MAP2K6: variants seen among roughly 807,000 people sequenced by gnomAD.
MAP2K6 encodes mitogen-activated protein kinase kinase 6, also known as dual specificity mitogen-activated protein kinase kinase 6.
In MAP2K6, 16 loss-of-function variants were observed where a neutral mutation model predicts 53.7. That is an observed-to-expected ratio of 0.30 (90% CI 0.20 to 0.45). The LOEUF (loss-of-function observed/expected upper bound fraction) is 0.45, where lower values mean the gene tolerates loss of function less well. Ranked by LOEUF, MAP2K6 falls within the 20% of genes least tolerant of loss-of-function variation. MAP2K6 has a pLI of 1.00. For missense variants in MAP2K6, 204 were observed against 411.9 expected (o/e 0.50, Z 4.37); for synonymous variants, 132 against 143.1 (o/e 0.92, Z 0.55).
chr17:69,414,913 C>A lies in MAP2K6; in HGVS notation c.-72C>A. On this transcript the variant is annotated 5_prime_UTR_variant, in exon 1 of 12. Transcript: ENST00000590474. Reference sequence around the variant, plus strand: ...ACGCCTGCAGCTTGCATCTTTGTTGCAAAACTAGCTACAGAAGAGAAGCAA... The same window carrying A: ...ACGCCTGCAGCTTGCATCTTTGTTGAAAAACTAGCTACAGAAGAGAAGCAA... The A allele has an allele frequency of 7.0e-7, 1 of 1,431,826 alleles. No individual in the cohort carries two copies. Among genetic ancestry groups the A allele is most frequent in the Non-Finnish European group, 9.8e-7 (1 of 1,021,896 alleles). 88.7% of individuals were successfully genotyped at this position (1,431,826 alleles called of 1,614,324 possible). A position where few individuals can be genotyped will look rare whatever the true frequency, so the allele number is the denominator to read the frequency against.
At position 69,544,382 on chromosome 17, in the gene MAP2K6, A is replaced by T. The variant is rs1911792305; in HGVS notation, c.*2629A>T. 1 of 152,216 alleles carries T rather than the reference A, an allele frequency of 6.6e-6. No homozygotes were observed. Among genetic ancestry groups the T allele is most frequent in the African/African-American group, 2.4e-5 (1 of 41,442 alleles). The allele number at this position is 152,216 out of a possible 1,614,324, so 9.4% of individuals were successfully genotyped here. On this transcript the variant is annotated 3_prime_UTR_variant, in exon 12 of 12. Transcript: ENST00000590474. ...TTAGAGCATGGTTTTGTTTTTGGAA[A>T]ACTGTGTTGTAAGTGCCAATCAACC... is the stretch of plus-strand genomic sequence containing the variant.
At chr17:69,510,525 A>G (rs1265406917) in intron 2 of MAP2K6, among the ~76,000 whole-genome samples, 1 of 152,198 alleles carries the variant, frequency 6.6e-6, no homozygotes, top group Admixed American at 6.5e-5. Context: ...GACATTGTAT[A>G]ATATTGGTGC....
intron 2 of MAP2K6, among the ~76,000 whole-genome samples, chr17:69,516,163 A>G (rs978934145): frequency 3.9e-5 from 6 of 152,116 alleles, no homozygotes; most frequent in African/African-American, 1.4e-4. Flanking sequence ...AAATAATTAT[A>G]CAACTCACCA....
intron 6 of MAP2K6, 100 bp from the exon 7 acceptor site, chr17:69,520,949 C>A: frequency 2.2e-6 from 2 of 889,368 alleles, no homozygotes; most frequent in Non-Finnish European, 3.5e-6. Context: ...AAATATCTCA[C>A]TGGTAACCTA....
chr17:69,528,593 T>A (rs1910906619), intron 10 of MAP2K6, among the ~76,000 whole-genome samples: 1 of 151,920 alleles, frequency 6.6e-6, no homozygotes, highest in Non-Finnish European at 1.5e-5. Context: ...GCGTGGTGGC[T>A]CACGCCTGTA....
At chr17:69,423,765 A>G (rs1384920640) in intron 1 of MAP2K6, among the ~76,000 whole-genome samples, 2 of 151,546 alleles carry the variant, frequency 1.3e-5, no homozygotes, top group African/African-American at 2.4e-5. Flanking sequence ...TTTGCTTTAT[A>G]TTTCTTTCCT....
At chr17:69,502,657 A>G in intron 1 of MAP2K6, 1 of 985,502 alleles carries the variant, frequency 1.0e-6, no homozygotes, top group Non-Finnish European at 1.2e-6. Flanking sequence ...GGAGGCTGGC[A>G]ATTTCAACTA....
At chr17:69,441,295 A>G (rs963485603) in intron 1 of MAP2K6, among the ~76,000 whole-genome samples, 25 of 152,118 alleles carry the variant, frequency 1.6e-4, no homozygotes, top group African/African-American at 5.3e-4. Context: ...ATAGTTTCAT[A>G]TGTCCCTGAA....
intron 1 of MAP2K6, among the ~76,000 whole-genome samples, chr17:69,428,079 C>T (rs1397523225): frequency 6.6e-6 from 1 of 152,188 alleles, no homozygotes; most frequent in African/African-American, 2.4e-5. Context: ...CTGTACCTCA[C>T]TCTGTGCTAG....
intron 1 of MAP2K6, among the ~76,000 whole-genome samples, chr17:69,448,823 T>C (rs201219445): frequency 6.6e-6 from 1 of 152,318 alleles, no homozygotes; most frequent in East Asian, 1.9e-4. Context: ...CTTTTTCGCC[T>C]CTCTTTTCTT....
chr17:69,512,475 G>C (rs1416671301), intron 2 of MAP2K6, among the ~76,000 whole-genome samples: 1 of 151,450 alleles, frequency 6.6e-6, no homozygotes, highest in African/African-American at 2.4e-5. Flanking sequence ...AAGTAGCTGG[G>C]ACTACAGGCA....
Position 69,541,822 on chromosome 17 carries a change from C to A in MAP2K6, c.*69C>A. The A allele has an allele frequency of 9.0e-7, 1 of 1,109,986 alleles. No individual in the cohort carries two copies. The highest frequency in any genetic ancestry group is 1.4e-6 in the Non-Finnish European group (1 of 738,366). The allele number at this position is 1,109,986 out of a possible 1,614,324, so 68.8% of individuals were successfully genotyped here. On this transcript the variant is annotated 3_prime_UTR_variant, in exon 12 of 12. Coordinates refer to ENST00000590474, the MANE Select transcript of MAP2K6 (RefSeq NM_002758.4). ...GTTTCGGGGTGAAGCAAGTTCACTA[C>A]AGCATCAATAGAAAGTCATCTTTGA...
intron 10 of MAP2K6, among the ~76,000 whole-genome samples, chr17:69,535,178 C>T (rs964690151): frequency 1.6e-4 from 25 of 152,252 alleles, no homozygotes; most frequent in South Asian, 2.1e-4. Flanking sequence ...CTGACAATAG[C>T]GCATGACCAT....
chr17:69,548,110 C>T lies in MAP2K6; in HGVS notation c.*6357C>T, dbSNP rs1428469475. ...TGTTCTCAGGTGTTCTTAAAGCTCC[C>T]TGTTCTCACTGCGACAGAAGACTCA... On this transcript the variant is annotated 3_prime_UTR_variant, in exon 12 of 12. Transcript: ENST00000590474. The T allele has an allele frequency of 1.3e-5, 2 of 152,202 alleles. No individual in the cohort carries two copies. Among genetic ancestry groups the T allele is most frequent in the Non-Finnish European group, 2.9e-5 (2 of 68,030 alleles). The allele number at this position is 152,202 out of a possible 1,614,324, so 9.4% of individuals were successfully genotyped here. A position where few individuals can be genotyped will look rare whatever the true frequency, so the allele number is the denominator to read the frequency against.
intron 1 of MAP2K6, among the ~76,000 whole-genome samples, chr17:69,445,147 C>G (rs1343610933): frequency 6.6e-6 from 1 of 152,170 alleles, no homozygotes; most frequent in Non-Finnish European, 1.5e-5. Context: ...TCTCAAACTC[C>G]TGACCTCAGG....
chr17:69,419,474 T>G (rs1397631188), intron 1 of MAP2K6, among the ~76,000 whole-genome samples: 2 of 152,220 alleles, frequency 1.3e-5, no homozygotes, highest in Non-Finnish European at 2.9e-5. Flanking sequence ...TTCTTCATCC[T>G]GGGTATAACA....
chr17:69,446,649 A>G (rs1906972794), intron 1 of MAP2K6, among the ~76,000 whole-genome samples: 3 of 152,214 alleles, frequency 2.0e-5, no homozygotes, highest in South Asian at 4.1e-4. Flanking sequence ...AGTTAATTGC[A>G]GAGTCGGGAT....
chr17:69,519,660 T>G, intron 5 of MAP2K6: 1 of 499,038 alleles, frequency 2.0e-6, no homozygotes, highest in East Asian at 3.9e-5. Flanking sequence ...TCTCGTCTCC[T>G]TTCTTTTTTG....
At chr17:69,529,099 T>G (rs1220331761) in intron 10 of MAP2K6, among the ~76,000 whole-genome samples, 1 of 152,146 alleles carries the variant, frequency 6.6e-6, no homozygotes, top group Non-Finnish European at 1.5e-5. Context: ...CCATTGTGAA[T>G]CACCAGTTTA....
Sources: allele counts gnomAD v4.1 joint callset (sites outside exome capture counted in the v4.1 genomes callset), GRCh38; gene constraint gnomAD v4.1.1; transcripts MANE v1.5; gene names NCBI Gene and HGNC (gene_info 2026-07-23, HGNC 2026-07-21).